The following TNS3 variants were observed in gnomAD, a reference collection of about 807,000 sequenced individuals.
The protein encoded by TNS3 is tensin 3.
In TNS3, 45 loss-of-function variants were observed where a neutral mutation model predicts 140.9. The ratio of observed to expected loss-of-function variants is 0.32; its 90% CI spans 0.25 to 0.41. The LOEUF is 0.41. Ranked by LOEUF, TNS3 falls within the 10% of genes least tolerant of loss-of-function variation. The probability of loss-of-function intolerance (pLI) is 1.00; values close to 1 mark genes in which losing one functional copy is unlikely to be tolerated. For missense variants in TNS3, 1,716 were observed against 1,906.7 expected, an observed-to-expected ratio of 0.90 and a Z score of 1.86; for synonymous variants, 815 against 788.4, an observed-to-expected ratio of 1.03 and a Z score of -0.56.
chr7:47,353,384 G>A (rs1398378654), intron 17 of TNS3, among the ~76,000 whole-genome samples: 4 of 152,184 alleles, frequency 2.6e-5, no homozygotes, highest in Admixed American at 6.5e-5. Context: ...ACCCAAAGGA[G>A]GCCCTAGCAC....
chr7:47,552,987 T>C (rs1279923501), intron 1 of TNS3, among the ~76,000 whole-genome samples: 2 of 152,230 alleles, frequency 1.3e-5, no homozygotes, highest in Admixed American at 6.5e-5. Context: ...CAAAGAAAGT[T>C]TGAATGGTCT....
At chr7:47,409,502 G>A (rs76668076) in intron 13 of TNS3, among the ~76,000 whole-genome samples, 7,029 of 152,184 alleles carry the variant, frequency 0.046, 196 homozygotes, top group Non-Finnish European at 0.06. Context: ...TTAAAGGGAC[G>A]GAGCCGTGGG....
chr7:47,398,656 A>G (rs796069670), intron 15 of TNS3, among the ~76,000 whole-genome samples: 8 of 152,346 alleles, frequency 5.3e-5, no homozygotes, highest in African/African-American at 1.7e-4. Flanking sequence ...CAAACTAGGC[A>G]TAGAAGGGAC....
intron 13 of TNS3, among the ~76,000 whole-genome samples, chr7:47,406,150 GC>G (rs917232182): frequency 6.6e-6 from 1 of 152,188 alleles, no homozygotes; most frequent in African/African-American, 2.4e-5. Flanking sequence ...TTGAGGTTCT[GC>G]CCTTTTGAAA....
At chr7:47,524,650 A>C (rs1799113884) in intron 2 of TNS3, among the ~76,000 whole-genome samples, 1 of 147,558 alleles carries the variant, frequency 6.8e-6, no homozygotes, top group Non-Finnish European at 1.5e-5. Context: ...AAAATACAAA[A>C]AATTAGCCGG....
At chr7:47,442,734 T>C (rs1290183901) in intron 4 of TNS3, among the ~76,000 whole-genome samples, 1 of 152,126 alleles carries the variant, frequency 6.6e-6, no homozygotes, top group Non-Finnish European at 1.5e-5. Flanking sequence ...CAGGGCTCCC[T>C]CAAAGTCTCT....
chr7:47,462,686 G>A (rs114528222), intron 4 of TNS3, among the ~76,000 whole-genome samples: 46 of 152,224 alleles, frequency 3.0e-4, no homozygotes, highest in African/African-American at 1.0e-3. Flanking sequence ...GCCATTTGCA[G>A]CAAGGGGAGT....
chr7:47,402,236 C>CA (rs945720945), intron 13 of TNS3, among the ~76,000 whole-genome samples: 1 of 151,936 alleles, frequency 6.6e-6, no homozygotes, highest in Admixed American at 6.5e-5. Flanking sequence ...GTAAATAAAC[C>CA]AAAAAAATAT....
At chr7:47,565,118 C>T (rs1051889756) in intron 1 of TNS3, among the ~76,000 whole-genome samples, 6 of 151,512 alleles carry the variant, frequency 4.0e-5, no homozygotes, top group Non-Finnish European at 8.8e-5. Context: ...CACTCTGTCA[C>T]CCAAGCTGGA....
chr7:47,331,911 T>C (rs1788364189), intron 20 of TNS3, among the ~76,000 whole-genome samples: 1 of 152,212 alleles, frequency 6.6e-6, no homozygotes. Flanking sequence ...TGCCTATCTG[T>C]TGAGGAGGTA....
At chr7:47,301,318 C>T (rs147612474) in intron 23 of TNS3, among the ~76,000 whole-genome samples, 1 of 152,300 alleles carries the variant, frequency 6.6e-6, no homozygotes, top group Non-Finnish European at 1.5e-5. Flanking sequence ...CCTGCCCTGC[C>T]TTGCCAGTCA....
intron 20 of TNS3, among the ~76,000 whole-genome samples, chr7:47,340,115 A>ATATATATATAT (rs1554297219): frequency 1.2e-3 from 35 of 28,588 alleles, no homozygotes; most frequent in Non-Finnish European, 1.9e-3. Context: ...ATATATATAT[A>ATATATATATAT]TTTTTTTTTT....
chr7:47,427,321 G>T (rs1338320291), intron 9 of TNS3, among the ~76,000 whole-genome samples: 1 of 152,096 alleles, frequency 6.6e-6, no homozygotes, highest in African/African-American at 2.4e-5. Flanking sequence ...TTGGGGGTTG[G>T]TTTCCTCCCT....
intron 17 of TNS3, among the ~76,000 whole-genome samples, chr7:47,354,275 A>C (rs967632404): frequency 1.3e-5 from 2 of 152,164 alleles, no homozygotes; most frequent in African/African-American, 4.8e-5. Context: ...CACCTCTGGA[A>C]GGAGCTGATA....
chr7:47,292,523 A>G (rs945221099), intron 26 of TNS3, among the ~76,000 whole-genome samples: 8 of 152,262 alleles, frequency 5.3e-5, no homozygotes, highest in Admixed American at 3.3e-4. Flanking sequence ...TTAAATGTCA[A>G]TGACCCTGAA....
chr7:47,496,283 C>G (rs1013122659), intron 3 of TNS3, among the ~76,000 whole-genome samples: 1 of 152,162 alleles, frequency 6.6e-6, no homozygotes, highest in Non-Finnish European at 1.5e-5. Flanking sequence ...TTGGGGTCTT[C>G]TAGAAAGGGG....
intron 16 of TNS3, among the ~76,000 whole-genome samples, chr7:47,394,511 G>T (rs1301872322): frequency 6.6e-6 from 1 of 152,242 alleles, no homozygotes; most frequent in African/African-American, 2.4e-5. Context: ...ATGGTCATCT[G>T]TCAAGGCAGC....
intron 15 of TNS3, 52 bp downstream of exon 15, chr7:47,400,341 A>G (rs1457662872): frequency 1.3e-5 from 20 of 1,486,088 alleles, no homozygotes; most frequent in Non-Finnish European, 1.9e-5. Flanking sequence ...GCCATCATGC[A>G]CCTTTCACCA....
At chr7:47,354,333 C>G (rs1789860813) in intron 17 of TNS3, among the ~76,000 whole-genome samples, 1 of 152,176 alleles carries the variant, frequency 6.6e-6, no homozygotes, top group Admixed American at 6.5e-5. Context: ...CTGCAGGGCT[C>G]TGGGCGATCC....
Sources: allele counts gnomAD v4.1 joint callset (sites outside exome capture counted in the v4.1 genomes callset), GRCh38; gene constraint gnomAD v4.1.1; transcripts MANE v1.5; gene names NCBI Gene and HGNC (gene_info 2026-07-23, HGNC 2026-07-21).